Variants in CPNE5 observed in about 807,000 individuals in gnomAD.
CPNE5 encodes copine 5, also known as copine-5.
CPNE5 carries 42 observed loss-of-function variants against 81.1 expected under a neutral mutation model. The observed-to-expected ratio is 0.52, with a 90% CI of 0.40 to 0.67. The LOEUF is 0.67. CPNE5 is among the 30% of genes least tolerant of loss of function. CPNE5 has a pLI of 0.00. For synonymous variants in CPNE5, 313 were observed against 321.5 expected, an observed-to-expected ratio of 0.97 and a Z score of 0.28; for missense variants, 612 against 815.5, an observed-to-expected ratio of 0.75 and a Z score of 3.04.
intron 13 of CPNE5, chr6:36,754,552 GC>G (rs2150387499): frequency 6.6e-6 from 1 of 152,340 alleles, no homozygotes; most frequent in East Asian, 1.9e-4. Flanking sequence ...CAGGGAACTG[GC>G]CTGGGCGTCT....
At chr6:36,827,720 C>T (rs953591972) in intron 1 of CPNE5, 62 of 985,326 alleles carry the variant, frequency 6.3e-5, no homozygotes, top group Non-Finnish European at 7.5e-5. Context: ...CACAAGCACA[C>T]AGCCAAAAGC....
intron 14 of CPNE5, among the ~76,000 whole-genome samples, chr6:36,751,063 C>T (rs1011525604): frequency 1.3e-5 from 2 of 152,212 alleles, no homozygotes; most frequent in Non-Finnish European, 2.9e-5. Flanking sequence ...TGAGGGAGGC[C>T]AGGGAGGAGA....
intron 3 of CPNE5, among the ~76,000 whole-genome samples, chr6:36,820,977 G>A (rs141497263): frequency 2.0e-3 from 311 of 152,152 alleles, no homozygotes; most frequent in African/African-American, 7.0e-3. Context: ...CCAGGGTATG[G>A]GAGATGAGAA....
At chr6:36,744,817 G>A (rs916676086) in intron 18 of CPNE5, among the ~76,000 whole-genome samples, 1 of 152,160 alleles carries the variant, frequency 6.6e-6, no homozygotes, top group Non-Finnish European at 1.5e-5. Flanking sequence ...CATGATCTGG[G>A]CACCCCTTCC....
At chr6:36,807,380 A>G (rs144178203) in intron 3 of CPNE5, among the ~76,000 whole-genome samples, 41 of 152,298 alleles carry the variant, frequency 2.7e-4, no homozygotes. Flanking sequence ...ATTTATCTAC[A>G]TGTTATGGGA....
intron 8 of CPNE5, among the ~76,000 whole-genome samples, chr6:36,780,090 A>G (rs533456809): frequency 3.3e-5 from 5 of 151,824 alleles, no homozygotes; most frequent in African/African-American, 1.2e-4. Context: ...CAGCCTCCCG[A>G]GTAGCTGGGA....
In CPNE5 at chr6:36,821,239, G is replaced by A. The variant is rs139394174; in HGVS notation, c.183+875C>T. On this transcript the variant is annotated intron_variant, in intron 3 of 20. Transcript: ENST00000244751. Reference sequence around the variant, plus strand: ...AAAGGCCTGGAGGCGGGGGCGGGCCGTGTGACTGGAGTGGAGTGGGGAGGG... The same window carrying A: ...AAAGGCCTGGAGGCGGGGGCGGGCCATGTGACTGGAGTGGAGTGGGGAGGG... Among the ~76,000 whole-genome samples the A allele has an allele frequency of 4.3e-3, 654 of 152,174 alleles. 5 individuals are homozygous for A. The highest frequency in any genetic ancestry group is 0.015 in the African/African-American group (626 of 41,512).
intron 12 of CPNE5, among the ~76,000 whole-genome samples, chr6:36,758,415 A>ATT (rs72371807): frequency 3.8e-4 from 53 of 140,266 alleles, no homozygotes; most frequent in South Asian, 4.4e-4. Context: ...ATGTCTGGCT[A>ATT]TTTTTTTTTT....
rs1265779986 is a variant in CPNE5 at position 36,839,313 on chromosome 6, G to T, written c.65C>A (p.Ala22Asp). 6.5e-7 allele frequency: 1 copy of T among 1,550,048 alleles called. No individual in the cohort carries two copies. The highest frequency in any genetic ancestry group is 8.7e-7 in the Non-Finnish European group (1 of 1,146,424). ...EFDSLAGSIP[A>D]TKVEITVSCR... ...GGACACGGTGATCTCCACCTTGGTG[G>T]CCGGGATGCTGCCCGCCAAGGAGTC... The change falls in exon 1 of 21, where the codon GCC (alanine) becomes GAC (aspartate). Residue 22 changes from alanine to aspartate, a missense_variant. Physicochemically the swap from Ala to Asp is moderately radical, Grantham distance 126. Transcript: ENST00000244751. The surrounding 1 kb of genome is among the most constrained non-coding windows in gnomAD (Gnocchi z 7.3).
chr6:36,822,910 C>G, intron 2 of CPNE5, 148 bp downstream of exon 2: 1 of 580,784 alleles, frequency 1.7e-6, no homozygotes, highest in South Asian at 4.4e-5. Context: ...TTCTCAGACA[C>G]TATGGGAGAA....
chr6:36,745,694 T>A (rs972259299), intron 16 of CPNE5, among the ~76,000 whole-genome samples, 179 bp from the exon 17 acceptor site: 1 of 152,030 alleles, frequency 6.6e-6, no homozygotes, highest in Non-Finnish European at 1.5e-5. Flanking sequence ...AGTGCATGCT[T>A]CAGGTGAGCT....
chr6:36,826,283 A>G (rs1482757918), intron 1 of CPNE5, among the ~76,000 whole-genome samples: 1 of 152,152 alleles, frequency 6.6e-6, no homozygotes, highest in Non-Finnish European at 1.5e-5. Context: ...AAGAAACAGA[A>G]TCTAGCCACC....
intron 6 of CPNE5, among the ~76,000 whole-genome samples, chr6:36,797,267 TG>T (rs1769673539): frequency 6.6e-6 from 1 of 152,264 alleles, no homozygotes; most frequent in African/African-American, 2.4e-5. Context: ...GCAGAAGATC[TG>T]ATGATCTCCC....
chr6:36,777,773 CACA>C (rs1767674019), intron 9 of CPNE5, among the ~76,000 whole-genome samples: 5 of 12,738 alleles, frequency 3.9e-4, no homozygotes, highest in Non-Finnish European at 1.1e-3. Context: ...CCACCACACA[CACA>C]CACACACACA....
intron 12 of CPNE5, chr6:36,757,193 G>T: frequency 2.8e-6 from 1 of 355,398 alleles, no homozygotes; most frequent in Non-Finnish European, 3.9e-6. Flanking sequence ...TTTGACCCTC[G>T]CCAGTTTTTC....
intron 1 of CPNE5, among the ~76,000 whole-genome samples, chr6:36,828,088 G>A (rs927528221): frequency 6.6e-6 from 1 of 151,884 alleles, no homozygotes; most frequent in Non-Finnish European, 1.5e-5. Context: ...CCCCAGCAAG[G>A]ACAGAAAACA....
In CPNE5 at chr6:36,741,738, G is replaced by T. The variant is rs41272176; in HGVS notation, c.*530C>A. The stretch of plus-strand genomic sequence containing the variant: ...CCATGGGGTCCCCGGGGCTCCCAGC[G>T]CATCCAGTGTCCCTGGGAGGGTGCA... On this transcript the variant is annotated 3_prime_UTR_variant, in exon 21 of 21. Coordinates refer to ENST00000244751, the MANE Select transcript of CPNE5 (RefSeq NM_020939.2). 0.088 allele frequency: 13,513 copies of T among 153,170 alleles called. 677 individuals carry two copies. Among genetic ancestry groups the T allele is most frequent in the Non-Finnish European group, 0.11 (7,794 of 68,736 alleles). The allele number at this position is 153,170 out of a possible 1,614,324, so 9.5% of individuals were successfully genotyped here.
chr6:36,780,117 C>A (rs1767907020), intron 8 of CPNE5, among the ~76,000 whole-genome samples: 1 of 152,140 alleles, frequency 6.6e-6, no homozygotes, highest in Admixed American at 6.5e-5. Context: ...GCGCCCGCCA[C>A]CACACCTAGC....
At position 36,839,034 on chromosome 6, in the gene CPNE5, A is replaced by G. The variant is rs1773794444; in HGVS notation, c.95+249T>C. ...CTGGACCCCCTGTTCCTGTGTCTTC[A>G]TATCTCCTCGATGCAACAGCCTGGA... is the stretch of plus-strand genomic sequence containing the variant. On this transcript the variant is annotated intron_variant, in intron 1 of 20. Coordinates refer to ENST00000244751, the MANE Select transcript of CPNE5 (RefSeq NM_020939.2). The surrounding 1 kb of genome is among the most constrained non-coding windows in gnomAD (Gnocchi z 7.3). Among the ~76,000 whole-genome samples the G allele has an allele frequency of 6.6e-6, 1 of 152,154 alleles. No individual in the cohort carries two copies. Among genetic ancestry groups the G allele is most frequent in the Non-Finnish European group, 1.5e-5 (1 of 68,012 alleles).
Sources: gnomAD v4.1 joint callset for allele counts (sites outside exome capture counted in the v4.1 genomes callset) on GRCh38, gnomAD v4.1.1 for gene constraint, Gnocchi (gnomAD v3.1) non-coding constraint, MANE v1.5 for transcripts, NCBI Gene and HGNC (gene_info 2026-07-23, HGNC 2026-07-21) for gene names.